The following IRF4 variants were observed in gnomAD, a reference collection of about 807,000 sequenced individuals.
The protein encoded by IRF4 is interferon regulatory factor 4.
In IRF4, 13 loss-of-function variants were observed where a neutral mutation model predicts 55.5. That is an observed-to-expected ratio of 0.23 (90% CI 0.15 to 0.37). The LOEUF is 0.37. IRF4 is among the 10% of genes least tolerant of loss of function. The pLI, the probability that IRF4 is intolerant of heterozygous loss-of-function variation, is 1.00. For missense variants in IRF4, 397 were observed against 593.8 expected (o/e 0.67, Z 3.44); for synonymous variants, 249 against 240.7 (o/e 1.03, Z -0.32).
rs1267150864 is a variant in IRF4 at position 407,729 on chromosome 6, C to T, written c.*131C>T. ...TCTCAGCTCACTGTGACCTCCGCCT[C>T]CTGGGTTCAAGAGACTCTCCTGCCT... On this transcript the variant is annotated 3_prime_UTR_variant, in exon 9 of 9. Coordinates refer to ENST00000380956, the MANE Select transcript of IRF4 (RefSeq NM_002460.4). 1 of 849,440 alleles carries T rather than the reference C, an allele frequency of 1.2e-6. No individual in the cohort carries two copies. Among genetic ancestry groups the T allele is most frequent in the African/African-American group, 1.7e-5 (1 of 57,456 alleles). The allele number at this position is 849,440 out of a possible 1,614,324, so 52.6% of individuals were successfully genotyped here.
Position 393,266 on chromosome 6 carries a change from C to G in IRF4, c.114C>G (p.Pro38=). ...ACCAGATCGACAGCGGCAAGTACCC[C>G]GGGCTGGTGTGGGAGAACGAGGAGA... ...LIDQIDSGKY[P]GLVWENEEKS... is the part of the protein sequence containing the mutation. Residue 38 remains proline, a synonymous_variant, in exon 2 of 9, where the codon CCC becomes CCG. Transcript: ENST00000380956. This position sits in a 1 kb window ranked among gnomAD's most constrained non-coding sequence, Gnocchi z 5.4. 6.3e-7 allele frequency: 1 copy of G among 1,597,464 alleles called. No individual in the cohort carries two copies. Among genetic ancestry groups the G allele is most frequent in the Non-Finnish European group, 8.5e-7 (1 of 1,172,264 alleles).
At position 401,911 on chromosome 6, in the gene IRF4, G is replaced by C. The variant is rs948783362; in HGVS notation, c.1099+134G>C. The C allele has an allele frequency of 7.1e-6, 5 of 703,876 alleles. No individual in the cohort carries two copies. In the African/African-American group the frequency reaches 8.9e-5, roughly 13 times the overall value. 43.6% of individuals were successfully genotyped at this position (703,876 alleles called of 1,614,324 possible). ...GACTTCGGCGCCCACTGGGCTTGGG[G>C]CTTGACTCCAGTAGAGATCTTCTGT... is the stretch of plus-strand genomic sequence containing the variant. On this transcript the variant is annotated intron_variant, in intron 7 of 8. Transcript: ENST00000380956.
chr6:397,257 G>T lies in IRF4; in HGVS notation c.637+5G>T. The T allele has an allele frequency of 6.2e-7, 1 of 1,614,196 alleles. No homozygotes were observed. Among genetic ancestry groups the T allele is most frequent in the Non-Finnish European group, 8.5e-7 (1 of 1,180,022 alleles). On this transcript the variant is annotated splice_donor_5th_base_variant and intron_variant, in intron 5 of 8. Transcript: ENST00000380956. ...AAGGCCCAGCTTGTGAAAATGGTAA[G>T]GAGGATACCAGTGCAGGAAATAGAA... is the stretch of plus-strand genomic sequence containing the variant.
At position 395,894 on chromosome 6, in the gene IRF4, C is replaced by G; in HGVS notation, c.451C>G (p.Pro151Ala). The G allele has an allele frequency of 6.2e-7, 1 of 1,613,902 alleles. No homozygotes were observed. Among genetic ancestry groups the G allele is most frequent in the Non-Finnish European group, 8.5e-7 (1 of 1,179,898 alleles). ...GGACCCGCAGATGTCCATGAGCCAC[C>G]CCTACACCATGACAACGCCTTACCC... is the stretch of plus-strand genomic sequence containing the variant. ...LEDPQMSMSH[P>A]YTMTTPYPSL... Residue 151 changes from proline to alanine, a missense_variant, in exon 4 of 9, where the codon CCC becomes GCC. Coordinates refer to ENST00000380956, the MANE Select transcript of IRF4 (RefSeq NM_002460.4).
intron 1 of IRF4, 188 bp downstream of exon 1, chr6:391,997 G>A: frequency 2.7e-6 from 1 of 372,512 alleles, no homozygotes; most frequent in South Asian, 1.9e-5. Flanking sequence ...GCTGGTTTGG[G>A]CTCCAAGGCC....
In IRF4 at chr6:393,472, G is replaced by C; in HGVS notation, c.216+104G>C. 1 of 796,856 alleles carries C rather than the reference G, an allele frequency of 1.3e-6. No homozygotes were observed. The highest frequency in any genetic ancestry group is 1.7e-6 in the Non-Finnish European group (1 of 579,398). 49.4% of individuals were successfully genotyped at this position (796,856 alleles called of 1,614,324 possible). On this transcript the variant is annotated intron_variant, in intron 2 of 8. Transcript: ENST00000380956. This position sits in a 1 kb window ranked among gnomAD's most constrained non-coding sequence, Gnocchi z 5.4. ...GAGGCGAGCCCAGGGGACCGCGCGG[G>C]GCGGACGGGCGGGCGGCGGAGGCAT...
At chr6:401,862 C>T (rs1761410043) in intron 7 of IRF4, 85 bp downstream of exon 7, 1 of 1,246,426 alleles carries the variant, frequency 8.0e-7, no homozygotes, top group Non-Finnish European at 1.1e-6. Flanking sequence ...CCCTCCCACC[C>T]CAGGCTGAGG....
chr6:397,451 A>G (rs1761295225), intron 5 of IRF4, 199 bp downstream of exon 5: 1 of 594,002 alleles, frequency 1.7e-6, no homozygotes, highest in Admixed American at 3.2e-5. Flanking sequence ...CTCAGGATCC[A>G]TGCTAGGCAC....
chr6:409,912 A>G lies in IRF4; in HGVS notation c.*2314A>G, dbSNP rs1484008553. On this transcript the variant is annotated 3_prime_UTR_variant, in exon 9 of 9. Coordinates refer to ENST00000380956, the MANE Select transcript of IRF4 (RefSeq NM_002460.4). ...TTTTTTTAAATATTATGCTGCTTTAACAGTGGAGCTGAATTTTCTGGAAAA... is the reference window on the plus strand; with the variant it reads ...TTTTTTTAAATATTATGCTGCTTTAGCAGTGGAGCTGAATTTTCTGGAAAA... The G allele has an allele frequency of 1.7e-5, 4 of 229,240 alleles. No individual in the cohort carries two copies. The allele number at this position is 229,240 out of a possible 1,614,324, so 14.2% of individuals were successfully genotyped here.
At position 393,434 on chromosome 6, in the gene IRF4, C is replaced by CG; in HGVS notation, c.216+68dup. 6.7e-6 allele frequency: 5 copies of CG among 745,110 alleles called. No individual in the cohort carries two copies. The highest frequency in any genetic ancestry group is 7.7e-6 in the Non-Finnish European group (4 of 516,254). The allele number at this position is 745,110 out of a possible 1,614,324, so 46.2% of individuals were successfully genotyped here. A position where few individuals can be genotyped will look rare whatever the true frequency, so the allele number is the denominator to read the frequency against. ...GCCCAGAGACAGAGCCCGGGGTCCC[C>CG]GGCGCCGCCTCCGAGGCGAGCCCAG... On this transcript the variant is annotated intron_variant, in intron 2 of 8. Transcript: ENST00000380956. The surrounding 1 kb of genome is among the most constrained non-coding windows in gnomAD (Gnocchi z 5.4).
At chr6:407,208 G>C (rs1754160297) in intron 8 of IRF4, among the ~76,000 whole-genome samples, 1 of 152,228 alleles carries the variant, frequency 6.6e-6, no homozygotes, top group African/African-American at 2.4e-5. Context: ...TTAAGTGGCA[G>C]TCGATTTGAA....
intron 5 of IRF4, among the ~76,000 whole-genome samples, chr6:397,778 G>A (rs796084195): frequency 5.1e-4 from 78 of 152,292 alleles, no homozygotes; most frequent in African/African-American, 1.8e-3. Flanking sequence ...CCCTGCCCTC[G>A]GGAGTTCCCC....
chr6:395,285 A>G (rs987712307), intron 3 of IRF4, among the ~76,000 whole-genome samples: 4 of 152,178 alleles, frequency 2.6e-5, no homozygotes, highest in Non-Finnish European at 5.9e-5. Context: ...TCTTTCAAAA[A>G]AAAAAAGAAA....
At position 407,703 on chromosome 6, in the gene IRF4, A is replaced by T. The variant is rs1474886489; in HGVS notation, c.*105A>T. The stretch of plus-strand genomic sequence containing the variant: ...TCCCAGGCTGGAGTGCAGTGACACA[A>T]TCTCAGCTCACTGTGACCTCCGCCT... On this transcript the variant is annotated 3_prime_UTR_variant, in exon 9 of 9. Coordinates refer to ENST00000380956, the MANE Select transcript of IRF4 (RefSeq NM_002460.4). The T allele has an allele frequency of 2.3e-5, 24 of 1,063,070 alleles. No individual in the cohort carries two copies. Among genetic ancestry groups the T allele is most frequent in the Non-Finnish European group, 2.8e-5 (21 of 743,498 alleles). 65.9% of individuals were successfully genotyped at this position (1,063,070 alleles called of 1,614,324 possible).
intron 3 of IRF4, among the ~76,000 whole-genome samples, chr6:395,260 G>T: frequency 1.3e-5 from 2 of 150,154 alleles, no homozygotes; most frequent in East Asian, 1.9e-4. Flanking sequence ...CATTGAATAT[G>T]TGTTTTCCAG....
Position 397,138 on chromosome 6 carries a change from G to A in IRF4, c.523G>A (p.Asp175Asn), listed in dbSNP as rs1461930692. Reference sequence around the variant, plus strand: ...TCACAACTACATGATGCCACCCCTCGACCGAAGCTGGAGGGACTACGTCCC... The same window carrying A: ...TCACAACTACATGATGCCACCCCTCAACCGAAGCTGGAGGGACTACGTCCC... ...QVHNYMMPPL[D>N]RSWRDYVPDQ... The change falls in exon 5 of 9, where the codon GAC becomes AAC. Residue 175 changes from aspartate to asparagine, a missense_variant. Asp to Asn is a conservative substitution (Grantham distance 23). Around this residue, in one of 3 missense-constraint regions of IRF4, gnomAD observed 341 missense variants for 548.1 expected, o/e 0.62. Transcript: ENST00000380956. The A allele has an allele frequency of 2.5e-6, 4 of 1,613,986 alleles. No individual in the cohort carries two copies. The highest frequency in any genetic ancestry group is 2.2e-5 in the East Asian group (1 of 44,896).
chr6:401,872 G>A, intron 7 of IRF4, 95 bp downstream of exon 7: 2 of 1,122,628 alleles, frequency 1.8e-6, no homozygotes, highest in South Asian at 1.5e-5. Flanking sequence ...CCAGGCTGAG[G>A]TCTTCCTCCT....
At chr6:394,709 C>T (rs1331434902) in intron 2 of IRF4, 112 bp from the exon 3 acceptor site, 17 of 977,956 alleles carry the variant, frequency 1.7e-5, no homozygotes, top group Non-Finnish European at 2.6e-5. Flanking sequence ...GAGCTATCAT[C>T]GTGCCACTGT....
intron 8 of IRF4, chr6:406,757 T>C: frequency 8.5e-7 from 1 of 1,172,802 alleles, no homozygotes; most frequent in Non-Finnish European, 1.1e-6. Flanking sequence ...TTAATTTAAT[T>C]CATTTCAGGT....
Sources: allele counts gnomAD v4.1 joint callset (sites outside exome capture counted in the v4.1 genomes callset), GRCh38; gene constraint gnomAD v4.1.1; regional missense constraint gnomAD v4.1.1; non-coding constraint Gnocchi (gnomAD v3.1); transcripts MANE v1.5; gene names NCBI Gene and HGNC (gene_info 2026-07-23, HGNC 2026-07-21).